GRID2: variants seen among roughly 807,000 people sequenced by gnomAD.
GRID2 encodes the protein glutamate ionotropic receptor delta type subunit 2.
In GRID2, 33 loss-of-function variants were observed where a neutral mutation model predicts 114.8. That is an observed-to-expected ratio of 0.29 (90% CI 0.22 to 0.38). GRID2 has a LOEUF of 0.38. GRID2 is among the 10% of genes least tolerant of loss of function. The pLI, the probability that GRID2 is intolerant of heterozygous loss-of-function variation, is 1.00. For synonymous variants in GRID2, 505 were observed against 449.9 expected, an observed-to-expected ratio of 1.12 and a Z score of -1.55; for missense variants, 1,184 against 1,257.7, an observed-to-expected ratio of 0.94 and a Z score of 0.89.
chr4:92,981,324 T>C (rs1185048176), intron 2 of GRID2, among the ~76,000 whole-genome samples: 1 of 152,048 alleles, frequency 6.6e-6, no homozygotes, highest in East Asian at 1.9e-4. Flanking sequence ...GTAAACACTT[T>C]GTGACATAAT....
intron 1 of GRID2, among the ~76,000 whole-genome samples, chr4:92,440,928 G>A (rs570127428): frequency 3.7e-4 from 56 of 152,204 alleles, no homozygotes; most frequent in Middle Eastern, 6.8e-3. Context: ...GAAGCAGAAA[G>A]TATATGAATC....
At chr4:92,338,171 A>T (rs1036609888) in intron 1 of GRID2, among the ~76,000 whole-genome samples, 2 of 152,190 alleles carry the variant, frequency 1.3e-5, no homozygotes, top group Non-Finnish European at 2.9e-5. Flanking sequence ...AAACAAAAGC[A>T]CAATAAGGAA....
chr4:92,381,552 C>A (rs975841561), intron 1 of GRID2, among the ~76,000 whole-genome samples: 1 of 151,812 alleles, frequency 6.6e-6, no homozygotes, highest in African/African-American at 2.4e-5. Flanking sequence ...ACGCTGGGAC[C>A]CTACTAATGT....
At chr4:93,459,121 A>T (rs1036745401) in intron 11 of GRID2, among the ~76,000 whole-genome samples, 1 of 139,122 alleles carries the variant, frequency 7.2e-6, no homozygotes, top group Non-Finnish European at 1.5e-5. Flanking sequence ...GGGAGGTTGC[A>T]GTGAGCCGAG....
chr4:92,802,860 G>A (rs551762041), intron 2 of GRID2, among the ~76,000 whole-genome samples: 2 of 152,056 alleles, frequency 1.3e-5, no homozygotes, highest in South Asian at 4.1e-4. Context: ...GTTAGGGATA[G>A]AGCCTTAGAA....
chr4:93,166,353 C>T (rs993493433), intron 4 of GRID2, among the ~76,000 whole-genome samples: 1 of 152,290 alleles, frequency 6.6e-6, no homozygotes, highest in Middle Eastern at 3.4e-3. Context: ...TCTACACTCC[C>T]TTCATTTGGA....
intron 2 of GRID2, among the ~76,000 whole-genome samples, chr4:92,960,468 A>G (rs1270350219): frequency 6.6e-6 from 1 of 151,946 alleles, no homozygotes; most frequent in Non-Finnish European, 1.5e-5. Context: ...CATATTAAGG[A>G]CTGTCATGTC....
intron 2 of GRID2, among the ~76,000 whole-genome samples, chr4:92,953,179 C>G (rs1397248377): frequency 1.3e-5 from 2 of 152,094 alleles, no homozygotes; most frequent in Non-Finnish European, 2.9e-5. Flanking sequence ...AGGTCACATT[C>G]AGAGGGACTG....
intron 2 of GRID2, among the ~76,000 whole-genome samples, chr4:92,904,332 A>T (rs543857145): frequency 1.3e-5 from 2 of 149,894 alleles, no homozygotes; most frequent in East Asian, 3.9e-4. Flanking sequence ...TTATATAAAT[A>T]AATAATAAAA....
intron 4 of GRID2, among the ~76,000 whole-genome samples, chr4:93,165,427 G>C (rs1321247534): frequency 1.3e-5 from 2 of 152,058 alleles, no homozygotes; most frequent in African/African-American, 4.8e-5. Context: ...GGGGACACAG[G>C]AAAGAGGAGA....
intron 4 of GRID2, among the ~76,000 whole-genome samples, chr4:93,125,354 G>T (rs187583496): frequency 4.7e-4 from 72 of 151,818 alleles, no homozygotes; most frequent in Admixed American, 8.5e-4. Context: ...TTTTGAAAAA[G>T]CAAATTCATT....
chr4:92,501,719 C>T (rs375162756), intron 1 of GRID2, among the ~76,000 whole-genome samples: 1 of 152,076 alleles, frequency 6.6e-6, no homozygotes, highest in African/African-American at 2.4e-5. Flanking sequence ...CCTACTAGGT[C>T]GGAGTGTACT....
At chr4:93,745,193 G>C (rs141924263) in intron 14 of GRID2, among the ~76,000 whole-genome samples, 605 of 151,938 alleles carry the variant, frequency 4.0e-3, no homozygotes, top group African/African-American at 0.013. Context: ...TTTTTTTCAT[G>C]ACCAACTGCT....
chr4:92,915,118 G>C (rs1199735296), intron 2 of GRID2, among the ~76,000 whole-genome samples: 1 of 152,012 alleles, frequency 6.6e-6, no homozygotes. Context: ...CTGAGCGAAG[G>C]GGGAAGAGTC....
intron 2 of GRID2, among the ~76,000 whole-genome samples, chr4:92,646,908 T>C (rs1731666953): frequency 6.6e-6 from 1 of 152,048 alleles, no homozygotes; most frequent in South Asian, 2.1e-4. Context: ...TTTTTTTTTT[T>C]TACTTTTTCC....
chr4:93,403,024 A>G (rs1766051794), intron 9 of GRID2, among the ~76,000 whole-genome samples: 1 of 152,106 alleles, frequency 6.6e-6, no homozygotes, highest in Non-Finnish European at 1.5e-5. Context: ...AGGGGTTGGG[A>G]AAGTAAACTT....
chr4:92,530,632 T>C (rs1277457974), intron 1 of GRID2, among the ~76,000 whole-genome samples: 1 of 150,870 alleles, frequency 6.6e-6, no homozygotes, highest in Non-Finnish European at 1.5e-5. Flanking sequence ...CTGGGCATGG[T>C]GGCTTATTCC....
intron 1 of GRID2, among the ~76,000 whole-genome samples, chr4:92,441,359 G>T (rs1169582405): frequency 6.6e-6 from 1 of 152,126 alleles, no homozygotes; most frequent in Non-Finnish European, 1.5e-5. Context: ...TAGGTAATTT[G>T]TGGAGCTTGA....
intron 8 of GRID2, chr4:93,282,358 A>G (rs567496828): frequency 4.3e-5 from 19 of 446,396 alleles, no homozygotes; most frequent in Non-Finnish European, 5.8e-5. Context: ...TATAAAATAC[A>G]TAACTTTATT....
Sources: allele counts gnomAD v4.1 joint callset (sites outside exome capture counted in the v4.1 genomes callset), GRCh38; gene constraint gnomAD v4.1.1; transcripts MANE v1.5; gene names NCBI Gene and HGNC (gene_info 2026-07-23, HGNC 2026-07-21).